SORCS2: variants seen among roughly 807,000 people sequenced by gnomAD.
SORCS2 encodes the protein VPS10 domain-containing receptor SorCS2.
In SORCS2, 100 loss-of-function variants were observed where a neutral mutation model predicts 141.6. The observed-to-expected ratio is 0.71, with a 90% CI of 0.60 to 0.83. The LOEUF (loss-of-function observed/expected upper bound fraction) is 0.83, where lower values mean the gene tolerates loss of function less well. Ranked by LOEUF, SORCS2 falls within the 40% of genes least tolerant of loss-of-function variation. The pLI, the probability that SORCS2 is intolerant of heterozygous loss-of-function variation, is 0.00. For missense variants in SORCS2, 1,646 were observed against 1,560.2 expected, an observed-to-expected ratio of 1.05 and a Z score of -0.93; for synonymous variants, 789 against 676.9, an observed-to-expected ratio of 1.17 and a Z score of -2.57.
chr4:7,718,199 C>G lies in SORCS2; in HGVS notation c.2424+16C>G, dbSNP rs775529213. On this transcript the variant is annotated intron_variant, in intron 18 of 26. Coordinates refer to ENST00000507866, the MANE Select transcript of SORCS2 (RefSeq NM_020777.3). ...GCAGGAGCAGGTGAGTGAGCACCTC[C>G]CAGCAGGCTCCTGGGACTGTCGGGC... is the stretch of plus-strand genomic sequence containing the variant. 3 of 1,604,646 alleles carry G rather than the reference C, an allele frequency of 1.9e-6. No individual in the cohort carries two copies. Among genetic ancestry groups the G allele is most frequent in the South Asian group, 2.2e-5 (2 of 90,040 alleles).
At chr4:7,368,569 GC>G (rs894783055) in intron 1 of SORCS2, among the ~76,000 whole-genome samples, 1 of 152,220 alleles carries the variant, frequency 6.6e-6, no homozygotes, top group Non-Finnish European at 1.5e-5. Context: ...CTCTTTAGGG[GC>G]TGGTCCTGGT....
chr4:7,716,231 A>G (rs1279201383), intron 17 of SORCS2, among the ~76,000 whole-genome samples: 1 of 152,132 alleles, frequency 6.6e-6, no homozygotes, highest in African/African-American at 2.4e-5. Flanking sequence ...GAAAATCCCC[A>G]TTACTTCCCC....
At chr4:7,199,302 G>A (rs1289932786) in intron 1 of SORCS2, among the ~76,000 whole-genome samples, 1 of 152,190 alleles carries the variant, frequency 6.6e-6, no homozygotes, top group African/African-American at 2.4e-5. Context: ...AGTGGGGCCG[G>A]TGTGGAGGCA....
At chr4:7,544,984 G>A (rs979501452) in intron 3 of SORCS2, among the ~76,000 whole-genome samples, 2 of 152,192 alleles carry the variant, frequency 1.3e-5, no homozygotes, top group East Asian at 3.8e-4. Context: ...TGATAGCCAG[G>A]CAGCCTCCCC....
intron 3 of SORCS2, among the ~76,000 whole-genome samples, chr4:7,593,764 C>T (rs901036482): frequency 2.0e-5 from 3 of 152,160 alleles, no homozygotes; most frequent in Non-Finnish European, 2.9e-5. Context: ...TGCAGCTGAG[C>T]GGCTGTAACT....
At chr4:7,367,232 C>T (rs961975225) in intron 1 of SORCS2, among the ~76,000 whole-genome samples, 1 of 152,218 alleles carries the variant, frequency 6.6e-6, no homozygotes, top group Admixed American at 6.5e-5. Context: ...GAACACCGTT[C>T]AGGTGAGGTC....
At chr4:7,530,361 C>T (rs1348222543) in intron 2 of SORCS2, among the ~76,000 whole-genome samples, 1 of 152,198 alleles carries the variant, frequency 6.6e-6, no homozygotes, top group Non-Finnish European at 1.5e-5. Context: ...CTGGCTCCAG[C>T]CCAAGGCCCC....
At chr4:7,425,798 A>T (rs1256001721) in intron 2 of SORCS2, among the ~76,000 whole-genome samples, 1 of 152,214 alleles carries the variant, frequency 6.6e-6, no homozygotes, top group Non-Finnish European at 1.5e-5. Context: ...CGCTGGAGAA[A>T]CGAGGAAGGG....
chr4:7,544,506 C>T (rs1197495236), intron 3 of SORCS2, among the ~76,000 whole-genome samples: 1 of 152,222 alleles, frequency 6.6e-6, no homozygotes, highest in African/African-American at 2.4e-5. Context: ...ATCCAACAGG[C>T]TCAGGGCGGC....
Position 7,741,563 on chromosome 4 carries a change from G to GT in SORCS2, c.*1299_*1300insT. The GT allele has an allele frequency of 3.5e-6, 1 of 284,302 alleles. No homozygotes were observed. Among genetic ancestry groups the GT allele is most frequent in the Non-Finnish European group, 6.5e-6 (1 of 153,858 alleles). The allele number at this position is 284,302 out of a possible 1,614,324, so 17.6% of individuals were successfully genotyped here. On this transcript the variant is annotated 3_prime_UTR_variant, in exon 27 of 27. Coordinates refer to ENST00000507866, the MANE Select transcript of SORCS2 (RefSeq NM_020777.3). Reference sequence around the variant, plus strand: ...AGATGACCGTGGCCTCCCTCTCAGAGGGGGAGAACGCCAGAGCCCTGGCTG... The same window carrying GT: ...AGATGACCGTGGCCTCCCTCTCAGAGTGGGGAGAACGCCAGAGCCCTGGCTG...
chr4:7,425,835 A>G (rs759776425), intron 2 of SORCS2, among the ~76,000 whole-genome samples: 1 of 152,234 alleles, frequency 6.6e-6, no homozygotes, highest in Non-Finnish European at 1.5e-5. Context: ...ATCCCGAGGC[A>G]GGGACGGCCC....
chr4:7,461,510 C>T (rs976696608), intron 2 of SORCS2, among the ~76,000 whole-genome samples: 10 of 152,344 alleles, frequency 6.6e-5, no homozygotes, highest in East Asian at 3.9e-4. Context: ...GGACTCACGC[C>T]GCACTGTGCT....
chr4:7,484,540 G>A (rs766339044), intron 2 of SORCS2, among the ~76,000 whole-genome samples: 2 of 152,136 alleles, frequency 1.3e-5, no homozygotes, highest in South Asian at 2.1e-4. Context: ...AGGATAGAAA[G>A]GGCTTTGGGC....
intron 1 of SORCS2, among the ~76,000 whole-genome samples, chr4:7,382,148 G>A (rs1033159387): frequency 6.6e-6 from 1 of 152,218 alleles, no homozygotes; most frequent in South Asian, 2.1e-4. Context: ...TTTGGGTTGG[G>A]TGTGGGGTGA....
intron 3 of SORCS2, among the ~76,000 whole-genome samples, chr4:7,606,758 A>T (rs763498027): frequency 2.6e-5 from 4 of 152,054 alleles, no homozygotes; most frequent in Admixed American, 6.5e-5. Flanking sequence ...TTCTTCAAGC[A>T]GAGGAGGGTG....
At chr4:7,206,168 T>C (rs578062439) in intron 1 of SORCS2, among the ~76,000 whole-genome samples, 32 of 152,296 alleles carry the variant, frequency 2.1e-4, no homozygotes, top group African/African-American at 7.5e-4. Context: ...CCCTCTGCAG[T>C]CCTGTCCCCT....
At chr4:7,701,804 G>A (rs1392220046) in intron 12 of SORCS2, among the ~76,000 whole-genome samples, 5 of 152,220 alleles carry the variant, frequency 3.3e-5, no homozygotes, top group African/African-American at 1.2e-4. Flanking sequence ...TGGAGGGGCA[G>A]AGGGAAGACG....
chr4:7,354,872 C>G (rs1016249405), intron 1 of SORCS2, among the ~76,000 whole-genome samples: 1 of 152,198 alleles, frequency 6.6e-6, no homozygotes, highest in African/African-American at 2.4e-5. Flanking sequence ...GACTCTTTTA[C>G]ATGATAAGGA....
intron 9 of SORCS2, among the ~76,000 whole-genome samples, chr4:7,679,309 C>T (rs556106761): frequency 1.3e-4 from 20 of 152,314 alleles, no homozygotes; most frequent in African/African-American, 4.6e-4. Flanking sequence ...GTCCCCTGCC[C>T]CCAAGGAGCC....
Sources: allele counts gnomAD v4.1 joint callset (sites outside exome capture counted in the v4.1 genomes callset), GRCh38; gene constraint gnomAD v4.1.1; transcripts MANE v1.5; gene names NCBI Gene and HGNC (gene_info 2026-07-23, HGNC 2026-07-21).